Variants in PDZD2 observed in about 807,000 individuals in gnomAD.
PDZD2 encodes PDZ domain containing 2.
A neutral mutation model predicts 220.7 loss-of-function variants in PDZD2; 90 were observed. The ratio of observed to expected loss-of-function variants is 0.41; its 90% CI spans 0.34 to 0.49. PDZD2 has a LOEUF of 0.49. Among genes scored for constraint, PDZD2 ranks in the 20% least tolerant of loss-of-function variants. PDZD2 has a pLI of 0.28. For missense variants in PDZD2, 3,174 were observed against 3,608.5 expected, an observed-to-expected ratio of 0.88 and a Z score of 3.08; for synonymous variants, 1,375 against 1,450.5, an observed-to-expected ratio of 0.95 and a Z score of 1.18.
chr5:31,669,852 C>A (rs1360782489), intron 1 of PDZD2, among the ~76,000 whole-genome samples: 3 of 152,006 alleles, frequency 2.0e-5, no homozygotes, highest in African/African-American at 7.2e-5. Context: ...TTAAATGGGC[C>A]GTAAAATAAT....
At chr5:31,783,722 G>A (rs760554020) in intron 1 of PDZD2, among the ~76,000 whole-genome samples, 3 of 152,078 alleles carry the variant, frequency 2.0e-5, no homozygotes, top group Middle Eastern at 3.2e-3. Flanking sequence ...TCCCTCTGAG[G>A]CCTCAGCAAT....
At chr5:31,697,542 A>G (rs986890671) in intron 1 of PDZD2, among the ~76,000 whole-genome samples, 1 of 152,234 alleles carries the variant, frequency 6.6e-6, no homozygotes, top group African/African-American at 2.4e-5. Flanking sequence ...TTGCCCCTGG[A>G]GATAACCACT....
At chr5:31,978,714 C>CTAAAAAAAAA (rs1750009174) in intron 2 of PDZD2, among the ~76,000 whole-genome samples, 1 of 127,988 alleles carries the variant, frequency 7.8e-6, no homozygotes, top group African/African-American at 3.2e-5. Context: ...GACTCCATCT[C>CTAAAAAAAAA]AAAAAAAAAA....
In PDZD2 at chr5:32,000,058, C is replaced by A; in HGVS notation, c.1122-81C>A. On this transcript the variant is annotated intron_variant, in intron 4 of 24. Transcript: ENST00000438447. This position sits in a 1 kb window ranked among gnomAD's most constrained non-coding sequence, Gnocchi z 4.5. ...AATCTTAACCGTCCCTCCTCACAACCCTCCCTAGCTCCAGAAAATGGCCCT... is the reference window on the plus strand; with the variant it reads ...AATCTTAACCGTCCCTCCTCACAACACTCCCTAGCTCCAGAAAATGGCCCT... The A allele has an allele frequency of 7.7e-7, 1 of 1,300,538 alleles. No homozygotes were observed. The highest frequency in any genetic ancestry group is 1.1e-6 in the Non-Finnish European group (1 of 914,422). The allele number at this position is 1,300,538 out of a possible 1,614,324, so 80.6% of individuals were successfully genotyped here. A position where few individuals can be genotyped will look rare whatever the true frequency, so the allele number is the denominator to read the frequency against.
Position 31,983,654 on chromosome 5 carries a change from C to G in PDZD2, c.976C>G (p.Arg326Gly). The G allele has an allele frequency of 6.2e-7, 1 of 1,612,084 alleles. No individual in the cohort carries two copies. Among genetic ancestry groups the G allele is most frequent in the Non-Finnish European group, 8.5e-7 (1 of 1,178,652 alleles). ...CTTCCAATCGAGTGACTGCCTGGCACGGGTAAGGTTTGGTTTGATTATGGA... is the reference window on the plus strand; with the variant it reads ...CTTCCAATCGAGTGACTGCCTGGCAGGGGTAAGGTTTGGTTTGATTATGGA... ...TDFQSSDCLAREEVGRIWKME... is the reference protein window; with the variant it reads ...TDFQSSDCLAGEEVGRIWKME... Residue 326 changes from arginine (R) to glycine (G), a missense_variant and splice_region_variant, in exon 3 of 25, where the codon CGG becomes GGG. Arg to Gly is a moderately radical substitution (Grantham distance 125, BLOSUM62 -2). This residue lies in a region of PDZD2 where 632 missense variants were observed against 708.1 expected (regional missense o/e 0.89). Coordinates refer to ENST00000438447, the MANE Select transcript of PDZD2 (RefSeq NM_178140.4).
chr5:31,946,147 C>T (rs1159053920), intron 2 of PDZD2, among the ~76,000 whole-genome samples: 1 of 152,176 alleles, frequency 6.6e-6, no homozygotes, highest in Non-Finnish European at 1.5e-5. Context: ...GGACTACAGG[C>T]GTGCGCCACC....
intron 2 of PDZD2, among the ~76,000 whole-genome samples, chr5:31,863,498 C>T (rs570008850): frequency 5.9e-5 from 9 of 152,146 alleles, no homozygotes; most frequent in African/African-American, 1.9e-4. Flanking sequence ...CCTGTCTCTT[C>T]GATTTGTTAG....
At chr5:31,691,530 GCGC>G (rs1490481743) in intron 1 of PDZD2, among the ~76,000 whole-genome samples, 16 of 150,650 alleles carry the variant, frequency 1.1e-4, no homozygotes, top group Admixed American at 8.6e-4. Flanking sequence ...CTCTTATCTG[GCGC>G]CACCTGCTTT....
chr5:31,806,931 GTT>G (rs397882682), intron 2 of PDZD2, among the ~76,000 whole-genome samples: 26 of 127,512 alleles, frequency 2.0e-4, no homozygotes, highest in Admixed American at 3.3e-4. Context: ...GGGCGTCTTT[GTT>G]TTTTTTTTTT....
At chr5:31,710,634 A>G (rs1248827974) in intron 1 of PDZD2, among the ~76,000 whole-genome samples, 3 of 152,186 alleles carry the variant, frequency 2.0e-5, no homozygotes, top group Non-Finnish European at 4.4e-5. Flanking sequence ...CCTGGCCAAC[A>G]TGGTGAAACC....
rs763751546 is a variant in PDZD2 at position 32,089,046 on chromosome 5, G to C, written c.5598G>C (p.Lys1866Asn). Residue 1866 changes from lysine (K) to asparagine (N), a missense_variant, in exon 20 of 25, where the codon AAG becomes AAC. This residue lies in a region of PDZD2 where 1,861 missense variants were observed against 2,001.0 expected (regional missense o/e 0.93). Coordinates refer to ENST00000438447, the MANE Select transcript of PDZD2 (RefSeq NM_178140.4). Reference sequence around the variant, plus strand: ...TGGAAAATAAGGACCTGTCTAAGAAGAGTCCGGCAGAAATGCTTCTGACTA... The same window carrying C: ...TGGAAAATAAGGACCTGTCTAAGAACAGTCCGGCAGAAATGCTTCTGACTA... ...TNLENKDLSKKSPAEMLLTNG... is the reference protein window; with the variant it reads ...TNLENKDLSKNSPAEMLLTNG... 6.2e-7 allele frequency: 1 copy of C among 1,613,930 alleles called. No homozygotes were observed. The highest frequency in any genetic ancestry group is 2.2e-5 in the East Asian group (1 of 44,874).
intron 6 of PDZD2, among the ~76,000 whole-genome samples, chr5:32,011,353 G>T (rs1753305596): frequency 6.7e-6 from 1 of 149,846 alleles, no homozygotes; most frequent in Non-Finnish European, 1.5e-5. Context: ...AAAAAAATTA[G>T]CCAGGTGTGG....
chr5:31,994,120 C>G (rs186122576), intron 3 of PDZD2, among the ~76,000 whole-genome samples: 1 of 151,850 alleles, frequency 6.6e-6, no homozygotes, highest in African/African-American at 2.4e-5. Context: ...TGGGTTCAAG[C>G]GATTCTCCTG....
At chr5:31,918,621 C>G (rs572844099) in intron 2 of PDZD2, among the ~76,000 whole-genome samples, 6 of 152,108 alleles carry the variant, frequency 3.9e-5, no homozygotes, top group Non-Finnish European at 7.4e-5. Flanking sequence ...TTTAGGGTAG[C>G]CTTAATCATT....
intron 19 of PDZD2, among the ~76,000 whole-genome samples, chr5:32,082,707 CGT>C (rs1441273653): frequency 6.6e-6 from 1 of 152,062 alleles, no homozygotes; most frequent in Non-Finnish European, 1.5e-5. Flanking sequence ...CAGTAAGATA[CGT>C]GTGTGTGTAT....
At chr5:32,100,972 G>A in intron 23 of PDZD2, 133 bp from the exon 24 acceptor site, 1 of 1,600,414 alleles carries the variant, frequency 6.2e-7, no homozygotes, top group Non-Finnish European at 8.5e-7. Flanking sequence ...AAGTAAGTAA[G>A]TGCCCCAGGG....
chr5:31,883,139 A>G (rs150286444), intron 2 of PDZD2, among the ~76,000 whole-genome samples: 1 of 151,196 alleles, frequency 6.6e-6, no homozygotes. Flanking sequence ...AAGTTAATGC[A>G]TTAATAACTA....
At chr5:31,892,282 C>G (rs1741117640) in intron 2 of PDZD2, among the ~76,000 whole-genome samples, 1 of 152,170 alleles carries the variant, frequency 6.6e-6, no homozygotes, top group Non-Finnish European at 1.5e-5. Context: ...CCTAATGTAC[C>G]TATTGCTCTG....
chr5:31,814,040 A>T (rs1222819360), intron 2 of PDZD2, among the ~76,000 whole-genome samples: 1 of 152,214 alleles, frequency 6.6e-6, no homozygotes, highest in Non-Finnish European at 1.5e-5. Flanking sequence ...AAAGATTTTT[A>T]AAAAAGAATA....
Sources: gnomAD v4.1 joint callset for allele counts (sites outside exome capture counted in the v4.1 genomes callset) on GRCh38, gnomAD v4.1.1 for gene constraint, gnomAD v4.1.1 regional missense constraint, Gnocchi (gnomAD v3.1) non-coding constraint, MANE v1.5 for transcripts, NCBI Gene and HGNC (gene_info 2026-07-23, HGNC 2026-07-21) for gene names.